The following EBF2 variants were observed in gnomAD, a reference collection of about 807,000 sequenced individuals.
The protein encoded by EBF2 is transcription factor COE2.
In EBF2, 21 loss-of-function variants were observed where a neutral mutation model predicts 72.8. The observed-to-expected ratio is 0.29, with a 90% CI of 0.20 to 0.42. The LOEUF is 0.42. EBF2 is among the 10% of genes least tolerant of loss of function. The pLI is 1.00. For synonymous variants in EBF2, 299 were observed against 274.2 expected, an observed-to-expected ratio of 1.09 and a Z score of -0.89; for missense variants, 637 against 731.2, an observed-to-expected ratio of 0.87 and a Z score of 1.49.
intron 6 of EBF2, among the ~76,000 whole-genome samples, chr8:26,030,877 G>A (rs973223601): frequency 6.6e-6 from 1 of 152,002 alleles, no homozygotes; most frequent in Non-Finnish European, 1.5e-5. Flanking sequence ...AACTATGAAG[G>A]CGCCTAATAT....
chr8:25,871,398 G>T (rs1202906505), intron 10 of EBF2, among the ~76,000 whole-genome samples: 1 of 152,178 alleles, frequency 6.6e-6, no homozygotes, highest in Non-Finnish European at 1.5e-5. Flanking sequence ...ACAGAGAAGT[G>T]CTGGCAAGGC....
intron 6 of EBF2, among the ~76,000 whole-genome samples, chr8:25,963,770 G>A (rs890319065): frequency 6.6e-6 from 1 of 152,190 alleles, no homozygotes; most frequent in African/African-American, 2.4e-5. Context: ...TGAATAAATA[G>A]TAAGAGTTCA....
intron 6 of EBF2, among the ~76,000 whole-genome samples, chr8:25,987,503 C>A (rs988559501): frequency 6.6e-6 from 1 of 152,140 alleles, no homozygotes; most frequent in African/African-American, 2.4e-5. Context: ...ATCGTATCAC[C>A]TTTTATGTGC....
chr8:25,935,329 A>T (rs1212361286), intron 6 of EBF2, among the ~76,000 whole-genome samples: 2 of 152,202 alleles, frequency 1.3e-5, no homozygotes, highest in African/African-American at 2.4e-5. Context: ...TCTTTGCATT[A>T]TGCAGCTCAT....
At position 25,842,363 on chromosome 8, in the gene EBF2, C is replaced by G. The variant is rs1177312630; in HGVS notation, c.*2246G>C. The G allele has an allele frequency of 6.6e-6, 1 of 152,004 alleles. No homozygotes were observed. Among genetic ancestry groups the G allele is most frequent in the African/African-American group, 2.4e-5 (1 of 41,390 alleles). The allele number at this position is 152,004 out of a possible 1,614,324, so 9.4% of individuals were successfully genotyped here. On this transcript the variant is annotated 3_prime_UTR_variant, in exon 16 of 16. Coordinates refer to ENST00000520164, the MANE Select transcript of EBF2 (RefSeq NM_022659.4). Reference sequence around the variant, plus strand: ...CACGCATTTTTCGGTGTAAAGCTACCAAGAAATTCTACAATCATTTTGAAG... The same window carrying G: ...CACGCATTTTTCGGTGTAAAGCTACGAAGAAATTCTACAATCATTTTGAAG...
chr8:25,863,881 C>T (rs964893248), intron 10 of EBF2, among the ~76,000 whole-genome samples: 2 of 152,038 alleles, frequency 1.3e-5, no homozygotes, highest in East Asian at 1.9e-4. Flanking sequence ...AGAGACATAC[C>T]GTTCACACTG....
At chr8:25,931,338 T>C (rs571092600) in intron 6 of EBF2, among the ~76,000 whole-genome samples, 5 of 152,184 alleles carry the variant, frequency 3.3e-5, no homozygotes, top group Non-Finnish European at 7.3e-5. Flanking sequence ...ACCTTGGAGA[T>C]CAATGCATGG....
At position 25,874,725 on chromosome 8, in the gene EBF2, G is replaced by A. The variant is rs375133881; in HGVS notation, c.1010-11928C>T. 5.0e-3 allele frequency among the ~76,000 whole-genome samples: 753 copies of A among 151,562 alleles called. 4 individuals are homozygous for A. The highest frequency in any genetic ancestry group is 0.017 in the African/African-American group (705 of 41,310). On this transcript the variant is annotated intron_variant, in intron 10 of 15. Coordinates refer to ENST00000520164, the MANE Select transcript of EBF2 (RefSeq NM_022659.4). ...TTAAGAAACAAGGTTTCCCTCTGTC[G>A]CCCAGGCTGGAGTACAGTAGTGCAA...
Position 26,044,996 on chromosome 8 carries a change from AG to A in EBF2, c.-138del. On this transcript the variant is annotated 5_prime_UTR_variant, in exon 1 of 16. Transcript: ENST00000520164. The surrounding 1 kb of genome is among the most constrained non-coding windows in gnomAD (Gnocchi z 4.1). ...GATCAAGTGCCCAAGTTTGAGTCTT[AG>A]AAAAAAAAAAAAGATAACCCGTCCT... The A allele has an allele frequency of 1.1e-6, 1 of 901,492 alleles. No individual in the cohort carries two copies. The highest frequency in any genetic ancestry group is 1.6e-6 in the Non-Finnish European group (1 of 614,902). The allele number at this position is 901,492 out of a possible 1,614,324, so 55.8% of individuals were successfully genotyped here. A position where few individuals can be genotyped will look rare whatever the true frequency, so the allele number is the denominator to read the frequency against.
chr8:25,900,391 C>A (rs1022779040), intron 7 of EBF2, among the ~76,000 whole-genome samples: 17 of 152,066 alleles, frequency 1.1e-4, no homozygotes, highest in African/African-American at 4.1e-4. Flanking sequence ...CCCAAAAGAC[C>A]AAGGCTGTAG....
intron 15 of EBF2, 141 bp from the exon 16 acceptor site, chr8:25,844,781 C>G: frequency 1.9e-6 from 2 of 1,062,598 alleles, no homozygotes; most frequent in Admixed American, 1.9e-5. Flanking sequence ...ATATGAGGAC[C>G]TGTTCTCCAG....
chr8:26,042,012 C>T (rs1805608904), intron 2 of EBF2, 83 bp downstream of exon 2: 3 of 1,541,534 alleles, frequency 1.9e-6, no homozygotes, highest in African/African-American at 2.7e-5. Context: ...GGAAAAGTGT[C>T]GCGAGAGTGA....
chr8:26,045,039 G>A lies in EBF2; in HGVS notation c.-180C>T, dbSNP rs1166264857. On this transcript the variant is annotated 5_prime_UTR_variant, in exon 1 of 16. Transcript: ENST00000520164. ...ACCCGTCCTTTGCTTCACTGGCGAG[G>A]TGCGGACTGATGTAGTCAAAGTTTG... is the stretch of plus-strand genomic sequence containing the variant. 1.2e-5 allele frequency: 8 copies of A among 653,086 alleles called. No individual in the cohort carries two copies. Among genetic ancestry groups the A allele is most frequent in the Middle Eastern group, 5.1e-4 (2 of 3,886 alleles). 40.5% of individuals were successfully genotyped at this position (653,086 alleles called of 1,614,324 possible). A position where few individuals can be genotyped will look rare whatever the true frequency, so the allele number is the denominator to read the frequency against.
chr8:25,886,073 A>G (rs898467714), intron 10 of EBF2, among the ~76,000 whole-genome samples: 9 of 152,134 alleles, frequency 5.9e-5, no homozygotes, highest in African/African-American at 2.2e-4. Flanking sequence ...ATGGTCTTCA[A>G]TTTCCATCTC....
intron 6 of EBF2, among the ~76,000 whole-genome samples, chr8:25,931,494 G>T (rs1341281151): frequency 6.6e-6 from 1 of 152,138 alleles, no homozygotes; most frequent in Non-Finnish European, 1.5e-5. Context: ...TGGTTTATGG[G>T]CATAGAGAGA....
intron 6 of EBF2, among the ~76,000 whole-genome samples, chr8:26,005,577 G>GAGAGAGAT (rs1804864636): frequency 1.8e-5 from 1 of 56,796 alleles, no homozygotes; most frequent in African/African-American, 7.5e-5. Context: ...GAGAGAGAGA[G>GAGAGAGAT]AGGTATTTTG....
intron 6 of EBF2, among the ~76,000 whole-genome samples, chr8:25,947,038 T>C (rs1803781609): frequency 6.6e-6 from 1 of 152,188 alleles, no homozygotes; most frequent in African/African-American, 2.4e-5. Flanking sequence ...GAATTACTGA[T>C]AATGGTCCCC....
At chr8:25,894,259 G>A (rs1465373397) in intron 7 of EBF2, among the ~76,000 whole-genome samples, 1 of 152,206 alleles carries the variant, frequency 6.6e-6, no homozygotes, top group Non-Finnish European at 1.5e-5. Flanking sequence ...TTATACAGGT[G>A]AAGATATATT....
intron 6 of EBF2, among the ~76,000 whole-genome samples, chr8:25,964,161 G>A (rs1383694700): frequency 6.6e-6 from 1 of 150,826 alleles, no homozygotes; most frequent in East Asian, 1.9e-4. Flanking sequence ...AGTGAATTTG[G>A]ATGAACCAAT....
Sources: allele counts gnomAD v4.1 joint callset (sites outside exome capture counted in the v4.1 genomes callset), GRCh38; gene constraint gnomAD v4.1.1; non-coding constraint Gnocchi (gnomAD v3.1); transcripts MANE v1.5; gene names NCBI Gene and HGNC (gene_info 2026-07-23, HGNC 2026-07-21).